The following PSD3 variants were observed in gnomAD, a reference collection of about 807,000 sequenced individuals.
PSD3 encodes PH and SEC7 domain-containing protein 3.
Under a neutral mutation model 105.5 loss-of-function variants are expected in PSD3, and 49 were observed. The observed-to-expected ratio is 0.46, with a 90% confidence interval of 0.37 to 0.59. PSD3 has a LOEUF of 0.59. Ranked by LOEUF, PSD3 falls within the 20% of genes least tolerant of loss-of-function variation. The pLI is 0.00. For missense variants in PSD3, 1,561 were observed against 1,263.8 expected (o/e 1.24, Z -3.57); for synonymous variants, 557 against 457.8 (o/e 1.22, Z -2.77).
At chr8:18,764,595 A>G (rs73199972) in intron 9 of PSD3, among the ~76,000 whole-genome samples, 12,561 of 152,194 alleles carry the variant, frequency 0.083, 1,069 homozygotes, top group African/African-American at 0.21. Flanking sequence ...TGTAGCTTAA[A>G]GGTTACATAA....
At chr8:18,635,593 G>C (rs1219161359) in intron 10 of PSD3, among the ~76,000 whole-genome samples, 2 of 151,856 alleles carry the variant, frequency 1.3e-5, no homozygotes, top group African/African-American at 4.8e-5. Context: ...TCCAAAAGAA[G>C]GCTTTGCACT....
intron 1 of PSD3, among the ~76,000 whole-genome samples, chr8:18,954,937 T>C (rs965173883): frequency 2.0e-5 from 3 of 152,110 alleles, no homozygotes; most frequent in African/African-American, 7.2e-5. Flanking sequence ...CACGTTAGGA[T>C]GGACAGACGC....
intron 1 of PSD3, among the ~76,000 whole-genome samples, chr8:19,021,765 C>T (rs894128103): frequency 1.3e-5 from 2 of 152,162 alleles, no homozygotes; most frequent in African/African-American, 4.8e-5. Context: ...ACTTGTAGGT[C>T]CTCTAAGCAT....
At chr8:18,885,583 G>A (rs1219859514) in intron 2 of PSD3, among the ~76,000 whole-genome samples, 1 of 152,124 alleles carries the variant, frequency 6.6e-6, no homozygotes. Flanking sequence ...GATGTTAGGT[G>A]CAGTGGTAAA....
chr8:18,649,750 T>C (rs1381674031), intron 10 of PSD3, among the ~76,000 whole-genome samples: 3 of 152,222 alleles, frequency 2.0e-5, no homozygotes, highest in Non-Finnish European at 4.4e-5. Context: ...AGTGATTGGA[T>C]CATGGGGGAA....
rs1000331431 is a variant in PSD3, at chr8:18,947,557, T to C, written c.22-11415A>G. Among the ~76,000 whole-genome samples, 21 of 152,178 alleles carry C rather than the reference T, an allele frequency of 1.4e-4. No homozygotes were observed. In the South Asian group the frequency reaches 1.5e-3, roughly 11 times the overall value. ...AAGGGGTCAGGGAGCGGCGGCCATATGGGGTGGCGGGGGGCCCAGAGCAGA... is the reference window on the plus strand; with the variant it reads ...AAGGGGTCAGGGAGCGGCGGCCATACGGGGTGGCGGGGGGCCCAGAGCAGA... On this transcript the variant is annotated intron_variant, in intron 1 of 15. Transcript: ENST00000327040.
At chr8:18,830,554 A>G (rs965336486) in intron 4 of PSD3, among the ~76,000 whole-genome samples, 8 of 152,250 alleles carry the variant, frequency 5.3e-5, no homozygotes, top group Non-Finnish European at 1.2e-4. Flanking sequence ...TCTGTCATTC[A>G]AAGCAGAGGA....
chr8:19,003,543 C>G (rs986596209), intron 1 of PSD3, among the ~76,000 whole-genome samples: 1 of 151,942 alleles, frequency 6.6e-6, no homozygotes, highest in Non-Finnish European at 1.5e-5. Flanking sequence ...GCCCTTTTCT[C>G]CCCATTGAGT....
intron 1 of PSD3, among the ~76,000 whole-genome samples, chr8:19,068,180 C>G (rs1403501471): frequency 6.6e-6 from 1 of 152,014 alleles, no homozygotes; most frequent in African/African-American, 2.4e-5. Context: ...AGGATACAGC[C>G]CCTTGAGATC....
chr8:18,843,784 C>G (rs1156239681), intron 4 of PSD3, among the ~76,000 whole-genome samples: 2 of 152,164 alleles, frequency 1.3e-5, no homozygotes, highest in Non-Finnish European at 2.9e-5. Context: ...TGATGAATGA[C>G]AGTTGACAAT....
rs927631029 is a variant in PSD3, at chr8:18,872,635, G to C, written c.229C>G (p.Leu77Val). Residue 77 changes from leucine (L) to valine (V), a missense_variant, in exon 3 of 16, where the codon CTG becomes GTG. Coordinates refer to ENST00000327040, the MANE Select transcript of PSD3 (RefSeq NM_015310.4). ...EEGGEGLRAS[L>V]EFDGEALPCH... ...GGCAGAGCCTCACCATCAAATTCCA[G>C]AGAAGCCCTTAGGCCTTCTCCACCT... is the stretch of plus-strand genomic sequence containing the variant. 30 of 1,613,870 alleles carry C rather than the reference G, an allele frequency of 1.9e-5. No homozygotes were observed. The highest frequency in any genetic ancestry group is 2.5e-5 in the Non-Finnish European group (30 of 1,180,010).
intron 9 of PSD3, among the ~76,000 whole-genome samples, chr8:18,758,309 A>G (rs533504760): frequency 2.1e-4 from 32 of 152,280 alleles, no homozygotes; most frequent in African/African-American, 7.2e-4. Context: ...GCCTTCTGGT[A>G]GAAAATATTG....
rs1360168590 is a variant in PSD3, at chr8:18,801,322, T to A, written c.1971A>T (p.Ile657=). The A allele has an allele frequency of 6.2e-7, 1 of 1,608,388 alleles. No individual in the cohort carries two copies. The highest frequency in any genetic ancestry group is 8.5e-7 in the Non-Finnish European group (1 of 1,175,916). Residue 657 remains isoleucine (I), a synonymous_variant, in exon 7 of 16, where the codon ATA becomes ATT. Coordinates refer to ENST00000327040, the MANE Select transcript of PSD3 (RefSeq NM_015310.4). ...GETQERERVL[I]HFSNRYFYCN... ...AATAAAAATATCTATTGGAGAAGTG[T>A]ATTAAAACTCTCTCTCGTTCTTGAG... is the stretch of plus-strand genomic sequence containing the variant.
At chr8:18,843,571 C>T (rs1465739513) in intron 4 of PSD3, among the ~76,000 whole-genome samples, 1 of 152,168 alleles carries the variant, frequency 6.6e-6, no homozygotes, top group African/African-American at 2.4e-5. Context: ...CTTCTAATAA[C>T]AGCTTTGAGA....
intron 12 of PSD3, among the ~76,000 whole-genome samples, chr8:18,598,633 C>CTTTTTTTTTTTTTTTTTTTGAG (rs1459058115): frequency 6.6e-6 from 1 of 151,984 alleles, no homozygotes; most frequent in Non-Finnish European, 1.5e-5. Context: ...GATACAGTTT[C>CTTTTTTTTTTTTTTTTTTTGAG]AAATGATCTT....
intron 11 of PSD3, among the ~76,000 whole-genome samples, chr8:18,615,325 A>C (rs1326299378): frequency 2.6e-5 from 4 of 152,100 alleles, no homozygotes; most frequent in African/African-American, 4.8e-5. Context: ...AAATTAGTCA[A>C]TCGGAATTAG....
chr8:18,725,197 G>T (rs1803264120), intron 9 of PSD3, among the ~76,000 whole-genome samples: 3 of 151,968 alleles, frequency 2.0e-5, no homozygotes. Context: ...CATCCTTTAG[G>T]TCTAACGCGA....
chr8:18,800,090 A>G (rs1810551319), intron 7 of PSD3, among the ~76,000 whole-genome samples: 2 of 152,182 alleles, frequency 1.3e-5, no homozygotes, highest in South Asian at 2.1e-4. Flanking sequence ...AGTTCTACAT[A>G]TATTTAAAAC....
chr8:18,625,236 C>T lies in PSD3; in HGVS notation c.2410+7377G>A, dbSNP rs548095335. 3.6e-4 allele frequency among the ~76,000 whole-genome samples: 55 copies of T among 151,362 alleles called. No homozygotes were observed. In the South Asian group the frequency reaches 4.8e-3, roughly 13 times the overall value. Reference sequence around the variant, plus strand: ...CACACACACTTCTCAACATAAATTACGGAAGAATTTTTGCTTCTAATTATC... The same window carrying T: ...CACACACACTTCTCAACATAAATTATGGAAGAATTTTTGCTTCTAATTATC... On this transcript the variant is annotated intron_variant, in intron 11 of 15. Transcript: ENST00000327040.
Sources: gnomAD v4.1 joint callset for allele counts (sites outside exome capture counted in the v4.1 genomes callset) on GRCh38, gnomAD v4.1.1 for gene constraint, MANE v1.5 for transcripts, NCBI Gene and HGNC (gene_info 2026-07-23, HGNC 2026-07-21) for gene names.